Variants in PLPP1 observed in about 807,000 individuals in gnomAD.
The protein encoded by PLPP1 is lipid phosphate phosphohydrolase 1a.
In PLPP1, 24 loss-of-function variants were observed where a neutral mutation model predicts 31.2. That is an observed-to-expected ratio of 0.77 (90% CI 0.56 to 1.08). The LOEUF (loss-of-function observed/expected upper bound fraction) is 1.08, where lower values mean the gene tolerates loss of function less well. PLPP1 is among the 50% of genes least tolerant of loss of function. PLPP1 has a pLI of 0.00. For synonymous variants in PLPP1, 146 were observed against 126.3 expected (o/e 1.16, Z -1.05); for missense variants, 319 against 342.7 (o/e 0.93, Z 0.55).
chr5:55,458,314 G>T (rs574796786), intron 3 of PLPP1, among the ~76,000 whole-genome samples: 1 of 152,026 alleles, frequency 6.6e-6, no homozygotes, highest in Non-Finnish European at 1.5e-5. Context: ...TAACTCCCAG[G>T]TTAATCTATG....
intron 3 of PLPP1, among the ~76,000 whole-genome samples, chr5:55,444,634 G>A (rs555287096): frequency 1.3e-5 from 2 of 152,122 alleles, no homozygotes; most frequent in Non-Finnish European, 2.9e-5. Context: ...ATTTTGAAAT[G>A]CTGCTGTTTT....
intron 1 of PLPP1, among the ~76,000 whole-genome samples, chr5:55,515,943 C>G (rs756617354): frequency 1.2e-4 from 18 of 152,132 alleles, no homozygotes; most frequent in Non-Finnish European, 2.5e-4. Flanking sequence ...CTTGGTACTT[C>G]CACTTAAATA....
At position 55,482,084 on chromosome 5, in the gene PLPP1, A is replaced by G. The variant is rs1037133646; in HGVS notation, c.59-6634T>C. 4.7e-5 allele frequency among the ~76,000 whole-genome samples: 7 copies of G among 147,628 alleles called. 1 individual carries two copies. In the Admixed American group the frequency reaches 4.8e-4, roughly 10 times the overall value. On this transcript the variant is annotated intron_variant, in intron 1 of 5. Coordinates refer to ENST00000307259, the MANE Select transcript of PLPP1 (RefSeq NM_003711.4). The stretch of plus-strand genomic sequence containing the variant: ...GGGGGAAATATAAATATAATTATAT[A>G]TTTATATTTAAATATTATATTTAAG...
chr5:55,473,997 GT>G (rs756603259), intron 2 of PLPP1, among the ~76,000 whole-genome samples: 1,436 of 28,062 alleles, frequency 0.051, 16 homozygotes, highest in African/African-American at 0.13. Flanking sequence ...TTTGTTTGTT[GT>G]TTTTTTTTTT....
chr5:55,499,364 T>C (rs886237920), intron 1 of PLPP1, among the ~76,000 whole-genome samples: 3 of 152,220 alleles, frequency 2.0e-5, no homozygotes, highest in African/African-American at 7.2e-5. Flanking sequence ...AGTTTTCACA[T>C]ACTATACAAG....
intron 1 of PLPP1, among the ~76,000 whole-genome samples, chr5:55,495,722 T>C (rs1195429848): frequency 6.6e-6 from 1 of 151,786 alleles, no homozygotes; most frequent in Non-Finnish European, 1.5e-5. Context: ...ATGTCCCCTA[T>C]TGTTCATATG....
chr5:55,514,960 T>C (rs1753524714), intron 1 of PLPP1, among the ~76,000 whole-genome samples: 1 of 152,244 alleles, frequency 6.6e-6, no homozygotes, highest in African/African-American at 2.4e-5. Context: ...ATTGAGTGCC[T>C]ACTAAATACC....
intron 1 of PLPP1, among the ~76,000 whole-genome samples, chr5:55,481,065 A>G (rs1299204458): frequency 6.6e-6 from 1 of 152,182 alleles, no homozygotes; most frequent in East Asian, 1.9e-4. Flanking sequence ...GCTTCCACAA[A>G]CCAAATACCA....
chr5:55,531,835 C>T (rs1740681326), intron 1 of PLPP1, among the ~76,000 whole-genome samples: 1 of 152,138 alleles, frequency 6.6e-6, no homozygotes, highest in Admixed American at 6.5e-5. Flanking sequence ...TTGCAATGGA[C>T]AGTTGATGTT....
intron 1 of PLPP1, among the ~76,000 whole-genome samples, chr5:55,512,525 AAAG>A (rs1347790764): frequency 9.4e-5 from 1 of 10,682 alleles, no homozygotes; most frequent in Non-Finnish European, 2.8e-4. Flanking sequence ...AGAAAGAAAG[AAAG>A]AAAGAAAGAA....
At position 55,534,655 on chromosome 5, in the gene PLPP1, G is replaced by T; in HGVS notation, c.-26C>A. 1 of 1,535,604 alleles carries T rather than the reference G, an allele frequency of 6.5e-7. No homozygotes were observed. Among genetic ancestry groups the T allele is most frequent in the Non-Finnish European group, 8.8e-7 (1 of 1,142,590 alleles). On this transcript the variant is annotated 5_prime_UTR_variant, in exon 1 of 6. Coordinates refer to ENST00000307259, the MANE Select transcript of PLPP1 (RefSeq NM_003711.4). ...GGTCTCTGCCCGGGCTGCCCGGCAA[G>T]GGCGATGGACTGAGCTGCGGGACGG...
Position 55,534,752 on chromosome 5 carries a change from G to A in PLPP1, c.-123C>T. On this transcript the variant is annotated 5_prime_UTR_variant, in exon 1 of 6. Transcript: ENST00000307259. ...CCCCGAGCTACGGCCCCTCCCAGCCGGAGGAGGAGAGCAGCCGAGGGCGGG... is the reference window on the plus strand; with the variant it reads ...CCCCGAGCTACGGCCCCTCCCAGCCAGAGGAGGAGAGCAGCCGAGGGCGGG... 9.4e-7 allele frequency: 1 copy of A among 1,058,438 alleles called. No individual in the cohort carries two copies. Among genetic ancestry groups the A allele is most frequent in the Non-Finnish European group, 1.3e-6 (1 of 764,168 alleles). 65.6% of individuals were successfully genotyped at this position (1,058,438 alleles called of 1,614,324 possible).
At chr5:55,483,690 A>T (rs533111695) in intron 1 of PLPP1, among the ~76,000 whole-genome samples, 1 of 138,154 alleles carries the variant, frequency 7.2e-6, no homozygotes, top group East Asian at 2.1e-4. Context: ...AAAAAAAACT[A>T]CATTATTAGA....
intron 4 of PLPP1, among the ~76,000 whole-genome samples, chr5:55,436,451 C>T (rs1050824131): frequency 3.9e-5 from 6 of 152,226 alleles, no homozygotes; most frequent in African/African-American, 1.4e-4. Context: ...TAACTTGCTC[C>T]TTCTTGCCTT....
chr5:55,498,007 GGGGCAAT>G (rs34188160), intron 1 of PLPP1, among the ~76,000 whole-genome samples: 16,502 of 152,066 alleles, frequency 0.11, 926 homozygotes, highest in Middle Eastern at 0.16. Context: ...CAGGTCCACA[GGGGCAAT>G]GGAAGATAAG....
At chr5:55,520,447 A>G (rs1178751235) in intron 1 of PLPP1, among the ~76,000 whole-genome samples, 1 of 152,154 alleles carries the variant, frequency 6.6e-6, no homozygotes, top group Non-Finnish European at 1.5e-5. Context: ...TAGCTTAATA[A>G]TAACAAAAAC....
chr5:55,472,666 G>GAA (rs10629093), intron 2 of PLPP1, among the ~76,000 whole-genome samples: 118,362 of 146,846 alleles, frequency 0.81, 47,009 homozygotes, highest in South Asian at 0.88. Context: ...AAGAGAGAGA[G>GAA]AGACAGAAAG....
rs529510289 is a variant in PLPP1, at chr5:55,473,720, C to A, written c.210+1579G>T. ...TTGCCCAAGCTGGAATGCCGTGGTG[C>A]AATCATGGCTCACTGCAGGCTCAAC... On this transcript the variant is annotated intron_variant, in intron 2 of 5. Coordinates refer to ENST00000307259, the MANE Select transcript of PLPP1 (RefSeq NM_003711.4). Among the ~76,000 whole-genome samples the A allele has an allele frequency of 2.6e-5, 4 of 152,110 alleles. No individual in the cohort carries two copies. In the East Asian group the frequency reaches 7.7e-4, roughly 29 times the overall value.
At chr5:55,482,454 AACACCTATT>A (rs1015118613) in intron 1 of PLPP1, among the ~76,000 whole-genome samples, 1 of 152,176 alleles carries the variant, frequency 6.6e-6, no homozygotes, top group Non-Finnish European at 1.5e-5. Flanking sequence ...CAAGTTATTA[AACACCTATT>A]ACATGCCACT....
Sources: allele counts gnomAD v4.1 joint callset (sites outside exome capture counted in the v4.1 genomes callset), GRCh38; gene constraint gnomAD v4.1.1; transcripts MANE v1.5; gene names NCBI Gene and HGNC (gene_info 2026-07-23, HGNC 2026-07-21).